CCDC93: variants seen among roughly 807,000 people sequenced by gnomAD.
The protein encoded by CCDC93 is coiled-coil domain-containing protein 93.
CCDC93 carries 61 observed loss-of-function variants against 108.2 expected under a neutral mutation model. The ratio of observed to expected loss-of-function variants is 0.56; its 90% CI spans 0.46 to 0.70. CCDC93 has a LOEUF of 0.70. Ranked by LOEUF, CCDC93 falls within the 30% of genes least tolerant of loss-of-function variation. The pLI, the probability that CCDC93 is intolerant of heterozygous loss-of-function variation, is 0.00. For synonymous variants in CCDC93, 276 were observed against 260.4 expected (o/e 1.06, Z -0.58); for missense variants, 685 against 764.2 (o/e 0.90, Z 1.22).
intron 18 of CCDC93, among the ~76,000 whole-genome samples, chr2:117,941,754 T>C (rs936683560): frequency 6.6e-6 from 1 of 152,172 alleles, no homozygotes; most frequent in Non-Finnish European, 1.5e-5. Context: ...TGCAACCTAC[T>C]CCTCAAATAC....
At chr2:117,936,368 T>G in intron 21 of CCDC93, 1 of 205,412 alleles carries the variant, frequency 4.9e-6, no homozygotes, top group Non-Finnish European at 9.7e-6. Flanking sequence ...ATAAATTCCA[T>G]TATGTAAATT....
chr2:118,011,676 C>A (rs534605852), intron 1 of CCDC93, among the ~76,000 whole-genome samples: 53 of 149,660 alleles, frequency 3.5e-4, no homozygotes, highest in Non-Finnish European at 4.6e-4. Flanking sequence ...CAAAAAAAAC[C>A]AAAAAAAAAT....
At chr2:117,995,363 A>G in intron 6 of CCDC93, 83 bp downstream of exon 6, 1 of 1,080,030 alleles carries the variant, frequency 9.3e-7, no homozygotes, top group Non-Finnish European at 1.4e-6. Flanking sequence ...TGGAAGCCTC[A>G]GGAGCAGCGC....
chr2:117,954,835 C>T (rs72838008), intron 12 of CCDC93, among the ~76,000 whole-genome samples: 8,054 of 152,202 alleles, frequency 0.053, 286 homozygotes, highest in Non-Finnish European at 0.082. Flanking sequence ...ATGGTGTTCT[C>T]GTGATAGTGA....
chr2:117,952,598 TTTAA>T (rs1679093284), intron 12 of CCDC93, among the ~76,000 whole-genome samples, 163 bp from the exon 13 acceptor site: 2 of 152,228 alleles, frequency 1.3e-5, no homozygotes, highest in Non-Finnish European at 2.9e-5. Context: ...AAACCTCATA[TTTAA>T]TTAGCACCAA....
rs1405179268 is a variant in CCDC93 at position 117,919,661 on chromosome 2, T to C, written c.*682A>G. The C allele has an allele frequency of 2.0e-5, 3 of 151,988 alleles. No individual in the cohort carries two copies. Among genetic ancestry groups the C allele is most frequent in the Non-Finnish European group, 4.4e-5 (3 of 67,996 alleles). The allele number at this position is 151,988 out of a possible 1,614,324, so 9.4% of individuals were successfully genotyped here. A position where few individuals can be genotyped will look rare whatever the true frequency, so the allele number is the denominator to read the frequency against. On this transcript the variant is annotated 3_prime_UTR_variant, in exon 24 of 24. Coordinates refer to ENST00000376300, the MANE Select transcript of CCDC93 (RefSeq NM_019044.5). The stretch of plus-strand genomic sequence containing the variant: ...GGTCTGTTTTCAATTTTCTGAGAAA[T>C]CAACTTGAGTAACGTATAAAAATTA...
chr2:117,947,020 C>G, intron 15 of CCDC93, 138 bp from the exon 16 acceptor site: 1 of 674,506 alleles, frequency 1.5e-6, no homozygotes, highest in Non-Finnish European at 2.6e-6. Context: ...GGTAGCTGCC[C>G]TGATCTCCAA....
intron 23 of CCDC93, among the ~76,000 whole-genome samples, chr2:117,926,760 C>T (rs565122757): frequency 1.1e-4 from 17 of 152,318 alleles, no homozygotes; most frequent in African/African-American, 3.4e-4. Flanking sequence ...TCCTCCCTAA[C>T]TCATTTTATG....
In CCDC93 at chr2:117,918,891, G is replaced by A. The variant is rs190112696; in HGVS notation, c.*1452C>T. The A allele has an allele frequency of 6.6e-6, 1 of 152,176 alleles. No individual in the cohort carries two copies. Among genetic ancestry groups the A allele is most frequent in the Non-Finnish European group, 1.5e-5 (1 of 68,024 alleles). The allele number at this position is 152,176 out of a possible 1,614,324, so 9.4% of individuals were successfully genotyped here. A position where few individuals can be genotyped will look rare whatever the true frequency, so the allele number is the denominator to read the frequency against. ...CCAGTGGCTGTTTTTAATCCAGCAC[G>A]TGTGTGTGTTTTTAAATCTGTACAC... On this transcript the variant is annotated 3_prime_UTR_variant, in exon 24 of 24. Transcript: ENST00000376300.
At chr2:117,993,977 C>G (rs569464456) in intron 6 of CCDC93, among the ~76,000 whole-genome samples, 2 of 152,172 alleles carry the variant, frequency 1.3e-5, no homozygotes, top group Admixed American at 1.3e-4. Flanking sequence ...CGTGATCCAC[C>G]CGTCTCAGCC....
chr2:118,013,813 G>C lies in CCDC93; in HGVS notation c.42+141C>G, dbSNP rs77690257. 1.7e-3 allele frequency: 1,176 copies of C among 709,214 alleles called. 10 individuals are homozygous for C. The African/African-American group carries it at 0.02, about 12-fold the overall frequency. The allele number at this position is 709,214 out of a possible 1,614,324, so 43.9% of individuals were successfully genotyped here. On this transcript the variant is annotated intron_variant, in intron 1 of 23. Coordinates refer to ENST00000376300, the MANE Select transcript of CCDC93 (RefSeq NM_019044.5). ...GCTCCCCGCCTCCAAGAAGAGGGTC[G>C]GCGCTTCCCTGAGGTGGATACGCCT...
chr2:117,926,432 G>C (rs1203722738), intron 23 of CCDC93, among the ~76,000 whole-genome samples: 1 of 152,014 alleles, frequency 6.6e-6, no homozygotes, highest in South Asian at 2.1e-4. Flanking sequence ...AATAATAAAG[G>C]GGATATCACC....
At chr2:118,001,002 G>T in intron 3 of CCDC93, 70 bp from the exon 4 acceptor site, 1 of 926,328 alleles carries the variant, frequency 1.1e-6, no homozygotes, top group Non-Finnish European at 1.8e-6. Context: ...CTAAAGTCTG[G>T]GCAGCATCAC....
At chr2:117,951,402 A>C in intron 13 of CCDC93, 2 of 985,446 alleles carry the variant, frequency 2.0e-6, no homozygotes, top group Non-Finnish European at 2.4e-6. Flanking sequence ...TCTGACAATA[A>C]CTGAAGAGGT....
chr2:117,942,842 C>T (rs1364492449), intron 18 of CCDC93, among the ~76,000 whole-genome samples: 4 of 152,172 alleles, frequency 2.6e-5, no homozygotes, highest in Admixed American at 2.6e-4. Flanking sequence ...TTGAGTATCC[C>T]AACTTTGAAA....
chr2:117,973,699 A>T (rs1461969643), intron 11 of CCDC93, among the ~76,000 whole-genome samples: 1 of 152,228 alleles, frequency 6.6e-6, no homozygotes, highest in East Asian at 1.9e-4. Flanking sequence ...TTTACAGAAA[A>T]GTGGGCACTG....
At chr2:117,949,049 T>A (rs893833138) in intron 14 of CCDC93, among the ~76,000 whole-genome samples, 10 of 152,140 alleles carry the variant, frequency 6.6e-5, no homozygotes, top group Admixed American at 6.5e-5. Flanking sequence ...ACTATGAAGG[T>A]ATGACCATTT....
chr2:117,950,098 G>C, intron 13 of CCDC93: 5 of 985,332 alleles, frequency 5.1e-6, no homozygotes, highest in Non-Finnish European at 6.0e-6. Flanking sequence ...AGTTACTACC[G>C]GCTGATCTCA....
intron 18 of CCDC93, among the ~76,000 whole-genome samples, chr2:117,943,728 CCAAA>C (rs1280390971): frequency 1.3e-5 from 2 of 152,208 alleles, no homozygotes; most frequent in Non-Finnish European, 2.9e-5. Flanking sequence ...TGCCGGTTAT[CCAAA>C]CAAACAAGCC....
Sources: gnomAD v4.1 joint callset for allele counts (sites outside exome capture counted in the v4.1 genomes callset) on GRCh38, gnomAD v4.1.1 for gene constraint, MANE v1.5 for transcripts, NCBI Gene and HGNC (gene_info 2026-07-23, HGNC 2026-07-21) for gene names.